The following TMPRSS15 variants were observed in gnomAD, a reference collection of about 807,000 sequenced individuals.
TMPRSS15 encodes the protein enteropeptidase.
Under a neutral mutation model 125.3 loss-of-function variants are expected in TMPRSS15, and 128 were observed. The observed-to-expected ratio is 1.02, with a 90% confidence interval of 0.89 to 1.18. The LOEUF (loss-of-function observed/expected upper bound fraction) is 1.18. Among genes scored for constraint, TMPRSS15 ranks in the 50% most tolerant of loss-of-function variants. The pLI is 0.00. For missense variants in TMPRSS15, 1,283 were observed against 1,212.7 expected (o/e 1.06, Z -0.86); for synonymous variants, 446 against 423.2 (o/e 1.05, Z -0.66).
intron 18 of TMPRSS15, among the ~76,000 whole-genome samples, chr21:18,307,685 A>G (rs1239480605): frequency 6.6e-6 from 1 of 152,172 alleles, no homozygotes; most frequent in Non-Finnish European, 1.5e-5. Flanking sequence ...TACATGATAT[A>G]CTGTTAAAAT....
At chr21:18,296,026 A>G (rs557509235) in intron 19 of TMPRSS15, among the ~76,000 whole-genome samples, 7 of 152,154 alleles carry the variant, frequency 4.6e-5, no homozygotes, top group Admixed American at 6.5e-5. Flanking sequence ...GGTGGCGGGC[A>G]CCTGTAGCCC....
At chr21:18,446,976 T>G (rs2076257066) in intron 1 of TMPRSS15, among the ~76,000 whole-genome samples, 1 of 152,080 alleles carries the variant, frequency 6.6e-6, no homozygotes, top group Non-Finnish European at 1.5e-5. Flanking sequence ...GTAAAGGAAA[T>G]AAGCAAGAGT....
intron 10 of TMPRSS15, among the ~76,000 whole-genome samples, chr21:18,346,525 A>C (rs1366080033): frequency 1.3e-5 from 2 of 152,258 alleles, no homozygotes; most frequent in Non-Finnish European, 2.9e-5. Flanking sequence ...ATTATCCATC[A>C]CTTTTTTTTC....
Position 18,281,212 on chromosome 21 carries a change from TAA to T in TMPRSS15, c.2494_2495del (p.Leu832ArgfsTer29). 6.2e-7 allele frequency: 1 copy of T among 1,614,020 alleles called. No individual in the cohort carries two copies. Among genetic ancestry groups the T allele is most frequent in the Non-Finnish European group, 8.5e-7 (1 of 1,179,970 alleles). On this transcript the variant is annotated frameshift_variant, in exon 22 of 25. Coordinates refer to ENST00000284885, the MANE Select transcript of TMPRSS15 (RefSeq NM_002772.3). LOFTEE classifies it high-confidence loss of function. ...GGATTGCTGTCCACTTGGATGGCTC[TAA>T]GTTTCTCCTGAAAATTGTAATGAAG... Reference protein sequence around the residue: ...SAAHCVYGRNLEPSKWTAILG... With the variant: ...SAAHCVYGRNXEPSKWTAILG...
intron 1 of TMPRSS15, among the ~76,000 whole-genome samples, chr21:18,481,733 A>G (rs1000771871): frequency 1.3e-5 from 2 of 151,668 alleles, no homozygotes; most frequent in Non-Finnish European, 3.0e-5. Flanking sequence ...CCTTTCTCCT[A>G]TTTTAACCTA....
At chr21:18,324,995 A>C (rs1601335854) in intron 16 of TMPRSS15, among the ~76,000 whole-genome samples, 1 of 152,200 alleles carries the variant, frequency 6.6e-6, no homozygotes, top group African/African-American at 2.4e-5. Flanking sequence ...GATTCAATTC[A>C]AGATGACATT....
At chr21:18,401,934 A>G (rs1165323262) in intron 1 of TMPRSS15, among the ~76,000 whole-genome samples, 1 of 152,004 alleles carries the variant, frequency 6.6e-6, no homozygotes, top group Admixed American at 6.6e-5. Context: ...GGACTTTCAA[A>G]TGCTTATAGA....
At chr21:18,291,496 TA>T (rs1316488779) in intron 21 of TMPRSS15, among the ~76,000 whole-genome samples, 1 of 152,190 alleles carries the variant, frequency 6.6e-6, no homozygotes, top group African/African-American at 2.4e-5. Flanking sequence ...ACCTGCAGGT[TA>T]AAATACCTGG....
At chr21:18,285,880 AAT>A (rs377534219) in intron 21 of TMPRSS15, among the ~76,000 whole-genome samples, 1 of 152,206 alleles carries the variant, frequency 6.6e-6, no homozygotes, top group Admixed American at 6.5e-5. Flanking sequence ...AGGCAACAAG[AAT>A]ATGTTTAATT....
rs1047929296 is a variant in TMPRSS15, at chr21:18,343,952, T to C, written c.1277+3A>G. ...AGCGTTTAAACAGGTGTCTACAACA[T>C]ACCAGAAACTAAGGCAAGCTGGCTC... On this transcript the variant is annotated splice_donor_region_variant and intron_variant, in intron 11 of 24. Transcript: ENST00000284885. 3.1e-6 allele frequency: 5 copies of C among 1,613,358 alleles called. No individual in the cohort carries two copies. The East Asian group carries it at 6.7e-5, about 22-fold the overall frequency.
intron 24 of TMPRSS15, among the ~76,000 whole-genome samples, chr21:18,271,033 T>C (rs2074548927): frequency 6.6e-6 from 1 of 152,182 alleles, no homozygotes. Flanking sequence ...ATCCTTTTTA[T>C]CATCTTTGGG....
intron 19 of TMPRSS15, 44 bp downstream of exon 19, chr21:18,297,690 C>T (rs1484995999): frequency 1.5e-5 from 21 of 1,420,910 alleles, no homozygotes; most frequent in Non-Finnish European, 2.1e-5. Flanking sequence ...TATCTTCTGC[C>T]ATGTCTATGT....
At chr21:18,483,432 A>T (rs897088621) in intron 1 of TMPRSS15, among the ~76,000 whole-genome samples, 2 of 151,818 alleles carry the variant, frequency 1.3e-5, no homozygotes, top group African/African-American at 4.8e-5. Flanking sequence ...TTTCGGTTTT[A>T]ACATTTGCTA....
At chr21:18,300,247 TTTC>T (rs1375475276) in intron 18 of TMPRSS15, among the ~76,000 whole-genome samples, 2 of 151,924 alleles carry the variant, frequency 1.3e-5, no homozygotes, top group East Asian at 1.9e-4. Flanking sequence ...TTTCTTTGTT[TTTC>T]TTCTTTCTCT....
chr21:18,398,179 A>T lies in TMPRSS15; in HGVS notation c.276+20T>A. 1 of 1,613,608 alleles carries T rather than the reference A, an allele frequency of 6.2e-7. No homozygotes were observed. The highest frequency in any genetic ancestry group is 8.5e-7 in the Non-Finnish European group (1 of 1,179,618). On this transcript the variant is annotated intron_variant, in intron 2 of 24. Coordinates refer to ENST00000284885, the MANE Select transcript of TMPRSS15 (RefSeq NM_002772.3). ...GTTAAACTGTGTTATAAAATTTGAAACCAGCTGTCAGTCTCCTACCATTTG... is the reference window on the plus strand; with the variant it reads ...GTTAAACTGTGTTATAAAATTTGAATCCAGCTGTCAGTCTCCTACCATTTG...
chr21:18,483,831 C>T (rs1311039870), intron 1 of TMPRSS15, among the ~76,000 whole-genome samples: 2 of 151,844 alleles, frequency 1.3e-5, no homozygotes, highest in African/African-American at 2.4e-5. Flanking sequence ...ACCAATGTAA[C>T]CAGAATCAAA....
At chr21:18,367,349 G>A (rs2075748253) in intron 6 of TMPRSS15, among the ~76,000 whole-genome samples, 1 of 152,130 alleles carries the variant, frequency 6.6e-6, no homozygotes, top group Non-Finnish European at 1.5e-5. Context: ...AAGATAGATA[G>A]TAAAATATGT....
At chr21:18,319,421 G>A (rs1278148844) in intron 16 of TMPRSS15, among the ~76,000 whole-genome samples, 17 of 124,658 alleles carry the variant, frequency 1.4e-4, no homozygotes, top group Non-Finnish European at 1.9e-4. Flanking sequence ...CTTCTTCACC[G>A]ATTTTTTTTT....
At chr21:18,302,671 A>T (rs1414739435) in intron 18 of TMPRSS15, among the ~76,000 whole-genome samples, 2 of 152,214 alleles carry the variant, frequency 1.3e-5, no homozygotes, top group Non-Finnish European at 2.9e-5. Flanking sequence ...TAAGAGCAAG[A>T]GGTAAATTGA....
Sources: allele counts gnomAD v4.1 joint callset (sites outside exome capture counted in the v4.1 genomes callset), GRCh38; gene constraint gnomAD v4.1.1; transcripts MANE v1.5; gene names NCBI Gene and HGNC (gene_info 2026-07-23, HGNC 2026-07-21).